Variants in ARPC2 observed in about 807,000 individuals in gnomAD.
ARPC2 encodes the protein actin-related protein 2/3 complex subunit 2.
In ARPC2, 4 loss-of-function variants were observed where a neutral mutation model predicts 38.6. That is an observed-to-expected ratio of 0.10 (90% confidence interval 0.05 to 0.24). ARPC2 has a LOEUF of 0.24. Among genes scored for constraint, ARPC2 ranks in the 10% least tolerant of loss-of-function variants. ARPC2 has a pLI of 1.00. For synonymous variants in ARPC2, 125 were observed against 140.8 expected (o/e 0.89, Z 0.79); for missense variants, 229 against 387.3 (o/e 0.59, Z 3.43).
chr2:218,239,504 G>A lies in ARPC2; in HGVS notation c.549+20G>A. 1 of 1,599,888 alleles carries A rather than the reference G, an allele frequency of 6.3e-7. No individual in the cohort carries two copies. Among genetic ancestry groups the A allele is most frequent in the South Asian group, 1.1e-5 (1 of 90,726 alleles). On this transcript the variant is annotated intron_variant, in intron 7 of 10. Coordinates refer to ENST00000315717, the MANE Select transcript of ARPC2 (RefSeq NM_152862.3). ...ATGCAGGTATGGAGCAGACATCTTG[G>A]GGGAAACCCATGCATGGCGACTTAT... is the stretch of plus-strand genomic sequence containing the variant.
intron 3 of ARPC2, among the ~76,000 whole-genome samples, chr2:218,228,117 T>G (rs1238258180): frequency 6.6e-6 from 1 of 151,990 alleles, no homozygotes; most frequent in Non-Finnish European, 1.5e-5. Context: ...TGTTAATAAT[T>G]GTTGAGGCTG....
Position 218,250,444 on chromosome 2 carries a change from A to G in ARPC2, c.878+523A>G, listed in dbSNP as rs1690158303. On this transcript the variant is annotated intron_variant, in intron 10 of 10. Coordinates refer to ENST00000315717, the MANE Select transcript of ARPC2 (RefSeq NM_152862.3). ...TTTGGGAGGCTGAGATGGGTGGATC[A>G]CAGGGTCAGGAGTTCAGGACCAGCC... Among the ~76,000 whole-genome samples, 4 of 152,096 alleles carry G rather than the reference A, an allele frequency of 2.6e-5. No homozygotes were observed. In the South Asian group the frequency reaches 8.3e-4, roughly 32 times the overall value.
At chr2:218,227,675 C>T (rs941167218) in intron 3 of ARPC2, among the ~76,000 whole-genome samples, 22 of 152,170 alleles carry the variant, frequency 1.4e-4, no homozygotes, top group Admixed American at 4.6e-4. Flanking sequence ...ACTGCAACCT[C>T]CACCCCCCGG....
chr2:218,217,834 C>T (rs528139011), intron 2 of ARPC2, among the ~76,000 whole-genome samples: 1 of 152,316 alleles, frequency 6.6e-6, no homozygotes, highest in East Asian at 1.9e-4. Context: ...AGCCGGAACT[C>T]GCTCCGGAGT....
At chr2:218,221,778 A>G (rs1689388474) in intron 2 of ARPC2, among the ~76,000 whole-genome samples, 1 of 152,224 alleles carries the variant, frequency 6.6e-6, no homozygotes, top group African/African-American at 2.4e-5. Flanking sequence ...ATTTTGATAT[A>G]TGGCTTAGTG....
chr2:218,226,062 A>T, intron 3 of ARPC2, 108 bp downstream of exon 3: 1 of 1,073,802 alleles, frequency 9.3e-7, no homozygotes, highest in Admixed American at 1.8e-5. Flanking sequence ...TGGGAGTCCG[A>T]GGCAGGTGGA....
At chr2:218,253,329 A>G (rs894835368) in intron 10 of ARPC2, among the ~76,000 whole-genome samples, 1 of 152,186 alleles carries the variant, frequency 6.6e-6, no homozygotes, top group Non-Finnish European at 1.5e-5. Flanking sequence ...TGGGTGGAAC[A>G]GGACACCACA....
chr2:218,229,866 G>A (rs983360288), intron 4 of ARPC2, among the ~76,000 whole-genome samples: 1 of 152,204 alleles, frequency 6.6e-6, no homozygotes, highest in South Asian at 2.1e-4. Flanking sequence ...AGAAGACCTA[G>A]TGCTTTTATA....
intron 5 of ARPC2, 119 bp downstream of exon 5, chr2:218,234,516 C>T: frequency 1.2e-6 from 1 of 851,102 alleles, no homozygotes; most frequent in South Asian, 1.7e-5. Context: ...TCTGCATGAG[C>T]CCATTCCTAA....
intron 10 of ARPC2, among the ~76,000 whole-genome samples, chr2:218,250,777 A>T (rs1018585813): frequency 6.6e-6 from 1 of 152,106 alleles, no homozygotes; most frequent in African/African-American, 2.4e-5. Context: ...AAGGTGCCAG[A>T]CCTTGGTTCT....
In ARPC2 at chr2:218,254,104, G is replaced by C. The variant is rs879157920; in HGVS notation, c.*189G>C. On this transcript the variant is annotated 3_prime_UTR_variant, in exon 11 of 11. Transcript: ENST00000315717. Reference sequence around the variant, plus strand: ...CTTGCAAAGACTTCATAGTTCCCAAGAATTAAAAAAAAAAAAAAAAGAATT... The same window carrying C: ...CTTGCAAAGACTTCATAGTTCCCAACAATTAAAAAAAAAAAAAAAAGAATT... 4 of 386,732 alleles carry C rather than the reference G, an allele frequency of 1.0e-5. No individual in the cohort carries two copies. Among genetic ancestry groups the C allele is most frequent in the Admixed American group, 4.9e-5 (1 of 20,216 alleles). The allele number at this position is 386,732 out of a possible 1,614,324, so 24.0% of individuals were successfully genotyped here. A position where few individuals can be genotyped will look rare whatever the true frequency, so the allele number is the denominator to read the frequency against.
At chr2:218,222,864 A>G (rs1446582501) in intron 2 of ARPC2, among the ~76,000 whole-genome samples, 1 of 152,168 alleles carries the variant, frequency 6.6e-6, no homozygotes, top group Non-Finnish European at 1.5e-5. Context: ...AGTAACTACT[A>G]CATATTAAGT....
At chr2:218,233,360 A>AG (rs1689685928) in intron 4 of ARPC2, 2 of 152,144 alleles carry the variant, frequency 1.3e-5, no homozygotes, top group African/African-American at 4.8e-5. Context: ...CTCAAAAAAA[A>AG]AAAATCATAA....
intron 7 of ARPC2, among the ~76,000 whole-genome samples, chr2:218,242,218 A>G (rs1224471754): frequency 6.6e-6 from 1 of 152,238 alleles, no homozygotes; most frequent in Admixed American, 6.5e-5. Flanking sequence ...TGGTATGGGC[A>G]TATCAGCTGA....
At chr2:218,218,608 A>G (rs187926985) in intron 2 of ARPC2, among the ~76,000 whole-genome samples, 1 of 152,368 alleles carries the variant, frequency 6.6e-6, no homozygotes, top group African/African-American at 2.4e-5. Context: ...TTCACAGTTA[A>G]TAAGTGCAGA....
chr2:218,232,047 C>T (rs1340017225), intron 4 of ARPC2, among the ~76,000 whole-genome samples: 7 of 152,118 alleles, frequency 4.6e-5, no homozygotes, highest in African/African-American at 1.7e-4. Flanking sequence ...CGAGCCCAGC[C>T]TGGGCAACAT....
At chr2:218,241,717 C>T (rs1481271650) in intron 7 of ARPC2, among the ~76,000 whole-genome samples, 1 of 152,230 alleles carries the variant, frequency 6.6e-6, no homozygotes, top group Non-Finnish European at 1.5e-5. Flanking sequence ...TTAAATGCCT[C>T]CTTCAGGGTA....
intron 8 of ARPC2, among the ~76,000 whole-genome samples, chr2:218,245,854 G>A (rs188089837): frequency 1.3e-5 from 2 of 152,254 alleles, no homozygotes; most frequent in Admixed American, 1.3e-4. Context: ...GTAGAGCAGA[G>A]GACTATAGCT....
intron 3 of ARPC2, among the ~76,000 whole-genome samples, chr2:218,226,684 C>CT (rs1216393931): frequency 3.5e-5 from 5 of 143,842 alleles, no homozygotes; most frequent in African/African-American, 1.3e-4. Flanking sequence ...CTCATCAGGT[C>CT]TTTTTGAGCT....
Sources: gnomAD v4.1 joint callset for allele counts (sites outside exome capture counted in the v4.1 genomes callset) on GRCh38, gnomAD v4.1.1 for gene constraint, MANE v1.5 for transcripts, NCBI Gene and HGNC (gene_info 2026-07-23, HGNC 2026-07-21) for gene names.